Variants in ZFPM2 observed in about 807,000 individuals in gnomAD.
ZFPM2 encodes the protein zinc finger protein ZFPM2.
Under a neutral mutation model 98.6 loss-of-function variants are expected in ZFPM2, and 20 were observed. The observed-to-expected ratio is 0.20, with a 90% CI of 0.14 to 0.29. ZFPM2 has a LOEUF of 0.29. Among genes scored for constraint, ZFPM2 ranks in the 10% least tolerant of loss-of-function variants. ZFPM2 has a pLI of 1.00. For missense variants in ZFPM2, 1,310 were observed against 1,388.6 expected (o/e 0.94, Z 0.90); for synonymous variants, 518 against 502.7 (o/e 1.03, Z -0.41).
rs1236849883 is a variant in ZFPM2 at position 105,485,987 on chromosome 8, A to G, written c.301+41606A>G. On this transcript the variant is annotated intron_variant, in intron 3 of 7. Coordinates refer to ENST00000407775, the MANE Select transcript of ZFPM2 (RefSeq NM_012082.4). ...TTTAGATACTAGAGCAGGTTCAATA[A>G]CACGGAGATCTATCACCTGAGCTTT... Among the ~76,000 whole-genome samples, 3 of 152,132 alleles carry G rather than the reference A, an allele frequency of 2.0e-5. No homozygotes were observed. In the East Asian group the frequency reaches 5.8e-4, roughly 29 times the overall value.
intron 3 of ZFPM2, among the ~76,000 whole-genome samples, chr8:105,497,647 C>A (rs1205529473): frequency 6.6e-6 from 1 of 152,024 alleles, no homozygotes; most frequent in Non-Finnish European, 1.5e-5. Flanking sequence ...TAAGAATTAG[C>A]TTTTTTACTT....
At chr8:105,434,599 G>A (rs1303241521) in intron 2 of ZFPM2, among the ~76,000 whole-genome samples, 1 of 152,148 alleles carries the variant, frequency 6.6e-6, no homozygotes, top group African/African-American at 2.4e-5. Context: ...GAAAACATAT[G>A]TGATATCTAT....
intron 2 of ZFPM2, among the ~76,000 whole-genome samples, chr8:105,438,928 A>G (rs1002092657): frequency 6.6e-6 from 1 of 152,124 alleles, no homozygotes; most frequent in Non-Finnish European, 1.5e-5. Flanking sequence ...TTCATGAACT[A>G]TCTTTATTGT....
intron 3 of ZFPM2, among the ~76,000 whole-genome samples, chr8:105,556,771 G>A (rs543802483): frequency 7.2e-6 from 1 of 139,096 alleles, no homozygotes; most frequent in South Asian, 2.3e-4. Flanking sequence ...CACCCAGGCT[G>A]GAGTGCAGTG....
At chr8:105,558,865 A>G (rs1690845519) in intron 3 of ZFPM2, among the ~76,000 whole-genome samples, 1 of 152,178 alleles carries the variant, frequency 6.6e-6, no homozygotes, top group African/African-American at 2.4e-5. Flanking sequence ...ATTGAAATGT[A>G]TTTTATTTTA....
chr8:105,588,937 C>T (rs1309414357), intron 4 of ZFPM2, among the ~76,000 whole-genome samples: 3 of 152,156 alleles, frequency 2.0e-5, no homozygotes, highest in Non-Finnish European at 4.4e-5. Context: ...AAACCGAAGT[C>T]AGAGGAAATG....
intron 1 of ZFPM2, among the ~76,000 whole-genome samples, chr8:105,363,836 T>C (rs1206961478): frequency 2.0e-5 from 3 of 152,106 alleles, no homozygotes; most frequent in Admixed American, 1.3e-4. Context: ...TCTGAGCATA[T>C]AGGAAGAAAG....
chr8:105,392,284 A>G (rs1442840725), intron 1 of ZFPM2, among the ~76,000 whole-genome samples: 1 of 152,202 alleles, frequency 6.6e-6, no homozygotes, highest in African/African-American at 2.4e-5. Flanking sequence ...TAGAAAGGTT[A>G]ACAAAATGGA....
At chr8:105,693,171 A>G (rs1810929936) in intron 5 of ZFPM2, among the ~76,000 whole-genome samples, 1 of 152,354 alleles carries the variant, frequency 6.6e-6, no homozygotes, top group Admixed American at 6.5e-5. Context: ...AAATTGTCAC[A>G]TAAAGAGAAT....
chr8:105,619,517 G>C (rs1816489230), intron 4 of ZFPM2, among the ~76,000 whole-genome samples: 1 of 151,708 alleles, frequency 6.6e-6, no homozygotes, highest in Non-Finnish European at 1.5e-5. Flanking sequence ...ATTATAAAAT[G>C]ATTATTTTAT....
intron 3 of ZFPM2, among the ~76,000 whole-genome samples, chr8:105,481,661 C>A (rs1813119875): frequency 6.6e-6 from 1 of 152,238 alleles, no homozygotes; most frequent in South Asian, 2.1e-4. Flanking sequence ...AGTTGAGCAA[C>A]CACCAATGGG....
At chr8:105,790,822 T>G (rs1323289962) in intron 6 of ZFPM2, among the ~76,000 whole-genome samples, 1 of 152,188 alleles carries the variant, frequency 6.6e-6, no homozygotes, top group Non-Finnish European at 1.5e-5. Context: ...CCCTTGTAAG[T>G]TGGATTCCTA....
intron 5 of ZFPM2, among the ~76,000 whole-genome samples, chr8:105,740,541 A>T (rs1469325508): frequency 4.8e-5 from 7 of 147,196 alleles, no homozygotes; most frequent in Middle Eastern, 7.1e-3. Flanking sequence ...ATATATATAT[A>T]TTATATATAT....
intron 4 of ZFPM2, among the ~76,000 whole-genome samples, chr8:105,615,514 CTT>C (rs1187789657): frequency 1.3e-5 from 2 of 152,262 alleles, no homozygotes; most frequent in South Asian, 2.1e-4. Flanking sequence ...TGAAGGGACT[CTT>C]TGCTTCTAGG....
chr8:105,778,554 G>GTAT (rs1367411780), intron 5 of ZFPM2, among the ~76,000 whole-genome samples: 1 of 151,918 alleles, frequency 6.6e-6, no homozygotes, highest in African/African-American at 2.4e-5. Flanking sequence ...CCAGAGAATG[G>GTAT]CTTTAATTTT....
chr8:105,714,364 G>T (rs1228648380), intron 5 of ZFPM2, among the ~76,000 whole-genome samples: 1 of 152,000 alleles, frequency 6.6e-6, no homozygotes, highest in East Asian at 1.9e-4. Context: ...GGAACCTTTT[G>T]GCAGAGTCTT....
intron 5 of ZFPM2, among the ~76,000 whole-genome samples, chr8:105,705,547 A>AGGT (rs746812194): frequency 1.1e-4 from 16 of 152,274 alleles, no homozygotes; most frequent in Non-Finnish European, 2.2e-4. Flanking sequence ...CCTATTTGAA[A>AGGT]GGTAGATATG....
At chr8:105,712,207 AC>A (rs74800356) in intron 5 of ZFPM2, among the ~76,000 whole-genome samples, 8,145 of 152,062 alleles carry the variant, frequency 0.054, 301 homozygotes, top group East Asian at 0.2. Flanking sequence ...AGAAGAAAGA[AC>A]ATTATGCTAC....
intron 5 of ZFPM2, among the ~76,000 whole-genome samples, chr8:105,736,144 A>G (rs1812067354): frequency 1.3e-5 from 2 of 152,074 alleles, no homozygotes; most frequent in East Asian, 3.9e-4. Context: ...GTAATATGCC[A>G]TGATGGTTAA....
Sources: gnomAD v4.1 joint callset for allele counts (sites outside exome capture counted in the v4.1 genomes callset) on GRCh38, gnomAD v4.1.1 for gene constraint, MANE v1.5 for transcripts, NCBI Gene and HGNC (gene_info 2026-07-23, HGNC 2026-07-21) for gene names.